The following UNC45B variants were observed in gnomAD, a reference collection of about 807,000 sequenced individuals.
UNC45B encodes the protein protein unc-45 homolog B.
Under a neutral mutation model 98.7 loss-of-function variants are expected in UNC45B, and 78 were observed. The observed-to-expected ratio is 0.79, with a 90% confidence interval of 0.66 to 0.95. The LOEUF is 0.95. Among genes scored for constraint, UNC45B ranks in the 40% least tolerant of loss-of-function variants. UNC45B has a pLI of 0.00. For synonymous variants in UNC45B, 462 were observed against 480.4 expected, an observed-to-expected ratio of 0.96 and a Z score of 0.50; for missense variants, 1,225 against 1,184.9, an observed-to-expected ratio of 1.03 and a Z score of -0.50.
Position 35,155,952 on chromosome 17 carries a change from G to A in UNC45B, c.808+488G>A, listed in dbSNP as rs560406432. 1.1e-4 allele frequency among the ~76,000 whole-genome samples: 17 copies of A among 152,296 alleles called. No homozygotes were observed. The South Asian group carries it at 2.9e-3, about 26-fold the overall frequency. Reference sequence around the variant, plus strand: ...GCTAAAAGATGGATACAACTCAAGCGTCTATTGGTGGGTGACTGGATGAGC... The same window carrying A: ...GCTAAAAGATGGATACAACTCAAGCATCTATTGGTGGGTGACTGGATGAGC... On this transcript the variant is annotated intron_variant, in intron 7 of 19. Transcript: ENST00000394570.
At chr17:35,171,012 C>T (rs981642583) in intron 12 of UNC45B, among the ~76,000 whole-genome samples, 1 of 152,118 alleles carries the variant, frequency 6.6e-6, no homozygotes, top group Admixed American at 6.5e-5. Context: ...TGTCCAGCTC[C>T]CACCCCATCT....
rs776673327 is a variant in UNC45B at position 35,152,905 on chromosome 17, T to C, written c.394T>C (p.Phe132Leu). 3 of 1,614,128 alleles carry C rather than the reference T, an allele frequency of 1.9e-6. No homozygotes were observed. In the South Asian group the frequency reaches 3.3e-5, roughly 18 times the overall value. ...TSIQEKLRVQ[F>L]STDSRVQKMF... ...CCTCTCTCCTCAGCTCCGAGTGCAG[T>C]TCTCCACAGACTCGAGGGTACAGAA... Residue 132 changes from phenylalanine to leucine, a missense_variant, in exon 5 of 20, where the codon TTC (phenylalanine) becomes CTC (leucine). Coordinates refer to ENST00000394570, the MANE Select transcript of UNC45B (RefSeq NM_001267052.2).
chr17:35,175,203 A>T (rs1007150848), intron 14 of UNC45B, among the ~76,000 whole-genome samples: 1 of 152,214 alleles, frequency 6.6e-6, no homozygotes, highest in Non-Finnish European at 1.5e-5. Context: ...TGGGCAGGTC[A>T]TCACAGGTGG....
chr17:35,149,291 G>T (rs1320337534), intron 3 of UNC45B, among the ~76,000 whole-genome samples: 1 of 152,166 alleles, frequency 6.6e-6, no homozygotes, highest in Non-Finnish European at 1.5e-5. Context: ...CATCTCAAGG[G>T]TTCCAGGGCT....
At position 35,188,659 on chromosome 17, in the gene UNC45B, T is replaced by C. The variant is rs886605475; in HGVS notation, c.*2100T>C. The C allele has an allele frequency of 2.0e-5, 3 of 152,132 alleles. No individual in the cohort carries two copies. The highest frequency in any genetic ancestry group is 7.2e-5 in the African/African-American group (3 of 41,420). The allele number at this position is 152,132 out of a possible 1,614,324, so 9.4% of individuals were successfully genotyped here. A position where few individuals can be genotyped will look rare whatever the true frequency, so the allele number is the denominator to read the frequency against. On this transcript the variant is annotated 3_prime_UTR_variant, in exon 20 of 20. Transcript: ENST00000394570. ...CAGGTAATTAAAAAATTTTTTTTTG[T>C]AGAGACAGGGTCTCACTATGTTGCC...
At chr17:35,186,011 A>G (rs1391151078) in intron 19 of UNC45B, among the ~76,000 whole-genome samples, 2 of 152,130 alleles carry the variant, frequency 1.3e-5, no homozygotes, top group Non-Finnish European at 2.9e-5. Flanking sequence ...ATGATTTAGA[A>G]GCAGAAGGGG....
intron 10 of UNC45B, 39 bp downstream of exon 10, chr17:35,168,400 G>C: frequency 7.6e-7 from 1 of 1,310,598 alleles, no homozygotes; most frequent in East Asian, 2.8e-5. Context: ...TCAGTACAAG[G>C]TGCCATGCCA....
intron 8 of UNC45B, among the ~76,000 whole-genome samples, chr17:35,160,225 A>G (rs1411937826): frequency 6.6e-6 from 1 of 152,236 alleles, no homozygotes; most frequent in Non-Finnish European, 1.5e-5. Flanking sequence ...TCAGTAAATG[A>G]TCACTTTACA....
Position 35,177,501 on chromosome 17 carries a change from G to T in UNC45B, c.2146G>T (p.Glu716Ter). 1 of 1,560,046 alleles carries T rather than the reference G, an allele frequency of 6.4e-7. No individual in the cohort carries two copies. Among genetic ancestry groups the T allele is most frequent in the African/African-American group, 1.4e-5 (1 of 73,516 alleles). ...DIAFPGERVYEVVRPLVRLLD... is the reference protein window; with the variant it reads ...DIAFPGERVY ...CTTGACCCCTCCCCAACAGGTGTAT[G>T]AGGTGGTGCGGCCCCTTGTAAGACT... The change falls in exon 17 of 20, where the codon GAG becomes TAG. Residue 716 changes from glutamate to a stop codon, truncating the protein, a stop_gained. Coordinates refer to ENST00000394570, the MANE Select transcript of UNC45B (RefSeq NM_001267052.2). LOFTEE classifies it high-confidence loss of function.
At chr17:35,184,019 T>A (rs545206523) in intron 19 of UNC45B, among the ~76,000 whole-genome samples, 2 of 152,098 alleles carry the variant, frequency 1.3e-5, no homozygotes, top group Non-Finnish European at 2.9e-5. Context: ...TTGCAGCAGG[T>A]GTAATGGAAA....
chr17:35,182,473 G>T (rs576831043), intron 18 of UNC45B, among the ~76,000 whole-genome samples: 2 of 152,250 alleles, frequency 1.3e-5, no homozygotes, highest in East Asian at 3.9e-4. Context: ...ACTGGGAGTG[G>T]ATTCCATTCT....
intron 3 of UNC45B, 106 bp from the exon 4 acceptor site, chr17:35,149,942 A>C (rs944727713): frequency 3.3e-6 from 4 of 1,212,230 alleles, no homozygotes; most frequent in Admixed American, 2.8e-5. Flanking sequence ...TCTCCAAGGA[A>C]GACACAGAAA....
intron 10 of UNC45B, among the ~76,000 whole-genome samples, chr17:35,168,620 T>C (rs1465557962): frequency 6.6e-6 from 1 of 152,204 alleles, no homozygotes; most frequent in African/African-American, 2.4e-5. Context: ...ACTGAGGAGC[T>C]TGTGTCCAGA....
At chr17:35,173,202 T>A (rs1425112731) in intron 13 of UNC45B, among the ~76,000 whole-genome samples, 1 of 149,024 alleles carries the variant, frequency 6.7e-6, no homozygotes, top group Non-Finnish European at 1.5e-5. Flanking sequence ...CTTGGCTCAC[T>A]GCAACCTCCG....
chr17:35,171,235 C>G (rs778579433), intron 12 of UNC45B, 87 bp from the exon 13 acceptor site: 1 of 1,542,332 alleles, frequency 6.5e-7, no homozygotes, highest in Non-Finnish European at 8.8e-7. Flanking sequence ...ACCAACCTGC[C>G]GGCCACGTGA....
Position 35,154,757 on chromosome 17 carries a change from TG to T in UNC45B, c.639+20del. Reference sequence around the variant, plus strand: ...CCAAGCCAGAGTAAGTGCCCGGCTGTGGGGCATGTGGAGCAGACGACTGCTG... The same window carrying T: ...CCAAGCCAGAGTAAGTGCCCGGCTGTGGGCATGTGGAGCAGACGACTGCTG... On this transcript the variant is annotated intron_variant, in intron 6 of 19. Transcript: ENST00000394570. The T allele has an allele frequency of 6.4e-7, 1 of 1,561,582 alleles. No homozygotes were observed.
At chr17:35,163,303 T>C (rs150425855) in intron 8 of UNC45B, among the ~76,000 whole-genome samples, 411 of 152,304 alleles carry the variant, frequency 2.7e-3, no homozygotes, top group South Asian at 8.7e-3. Flanking sequence ...GTTTTCCCTA[T>C]TGTATTGTGA....
chr17:35,186,023 A>AGT (rs142734808), intron 19 of UNC45B, among the ~76,000 whole-genome samples: 12 of 151,970 alleles, frequency 7.9e-5, no homozygotes, highest in Admixed American at 6.6e-4. Context: ...CAGAAGGGGA[A>AGT]GTGTGTGTGT....
chr17:35,150,860 C>T lies in UNC45B; in HGVS notation c.381+637C>T, dbSNP rs1173797870. On this transcript the variant is annotated intron_variant, in intron 4 of 19. Transcript: ENST00000394570. ...CTCTCTTTCTATGTATTATAAAATA[C>T]ATGGGAATTGAAGACATCGATGAGG... Among the ~76,000 whole-genome samples the T allele has an allele frequency of 2.0e-5, 3 of 146,732 alleles. No homozygotes were observed. The Admixed American group carries it at 2.2e-4, about 11-fold the overall frequency.
Sources: allele counts gnomAD v4.1 joint callset (sites outside exome capture counted in the v4.1 genomes callset), GRCh38; gene constraint gnomAD v4.1.1; transcripts MANE v1.5; gene names NCBI Gene and HGNC (gene_info 2026-07-23, HGNC 2026-07-21).